The following CADPS2 variants were observed in gnomAD, a reference collection of about 807,000 sequenced individuals.
CADPS2 encodes the protein calcium dependent secretion activator 2.
In CADPS2, 93 loss-of-function variants were observed where a neutral mutation model predicts 172.5. That is an observed-to-expected ratio of 0.54 (90% CI 0.46 to 0.64). The LOEUF is 0.64. CADPS2 is among the 30% of genes least tolerant of loss of function. The pLI is 0.00. For synonymous variants in CADPS2, 546 were observed against 555.2 expected, an observed-to-expected ratio of 0.98 and a Z score of 0.23; for missense variants, 1,420 against 1,565.9, an observed-to-expected ratio of 0.91 and a Z score of 1.57.
rs143363782 is a variant in CADPS2, at chr7:122,630,877, T to G, written c.787-1549A>C. ...AATAAGTTAAAAAAACAGGCAAGATTTTCTTAAAGTAAATCCTTGTTATAT... is the reference window on the plus strand; with the variant it reads ...AATAAGTTAAAAAAACAGGCAAGATGTTCTTAAAGTAAATCCTTGTTATAT... On this transcript the variant is annotated intron_variant, in intron 3 of 29. Coordinates refer to ENST00000449022, the MANE Select transcript of CADPS2 (RefSeq NM_017954.11). Among the ~76,000 whole-genome samples, 330 of 152,232 alleles carry G rather than the reference T, an allele frequency of 2.2e-3. 2 individuals are homozygous for G. Among genetic ancestry groups the G allele is most frequent in the African/African-American group, 7.6e-3 (316 of 41,544 alleles).
chr7:122,821,871 G>A (rs1011003430), intron 1 of CADPS2, among the ~76,000 whole-genome samples: 99 of 149,120 alleles, frequency 6.6e-4, no homozygotes, highest in African/African-American at 2.0e-3. Context: ...GCCTGTCCTC[G>A]GAATGCTACA....
chr7:122,741,620 C>A (rs183330367), intron 1 of CADPS2, among the ~76,000 whole-genome samples: 1 of 152,138 alleles, frequency 6.6e-6, no homozygotes, highest in Admixed American at 6.5e-5. Flanking sequence ...AAGCTTAAAC[C>A]AAGATCCTAT....
intron 25 of CADPS2, among the ~76,000 whole-genome samples, chr7:122,373,643 T>A (rs2042021720): frequency 6.6e-6 from 1 of 152,046 alleles, no homozygotes; most frequent in African/African-American, 2.4e-5. Flanking sequence ...CAGATACCAA[T>A]GTAAGGCTAC....
intron 2 of CADPS2, among the ~76,000 whole-genome samples, chr7:122,700,761 C>G (rs1194838354): frequency 1.3e-5 from 2 of 152,196 alleles, no homozygotes; most frequent in African/African-American, 4.8e-5. Context: ...GAAGCATTTA[C>G]TAAGGACACT....
At chr7:122,664,866 C>CTCA (rs2081018725) in intron 2 of CADPS2, among the ~76,000 whole-genome samples, 1 of 152,088 alleles carries the variant, frequency 6.6e-6, no homozygotes, top group South Asian at 2.1e-4. Flanking sequence ...CTCACTGCAG[C>CTCA]CTTGACATCC....
intron 2 of CADPS2, chr7:122,701,809 T>G: frequency 1.4e-6 from 2 of 1,449,642 alleles, no homozygotes; most frequent in Middle Eastern, 1.8e-4. Context: ...TCTGGTTACA[T>G]CTTCAGAAAA....
chr7:122,369,436 C>T (rs1347897108), intron 25 of CADPS2, among the ~76,000 whole-genome samples: 1 of 152,124 alleles, frequency 6.6e-6, no homozygotes, highest in Non-Finnish European at 1.5e-5. Flanking sequence ...CAGTCTTCCC[C>T]TTTCTTTTAA....
intron 8 of CADPS2, among the ~76,000 whole-genome samples, chr7:122,553,724 C>A (rs945266638): frequency 6.6e-6 from 1 of 152,126 alleles, no homozygotes; most frequent in Non-Finnish European, 1.5e-5. Context: ...CTGCTTGTTA[C>A]AAGGATGCAC....
rs757474747 is a variant in CADPS2, at chr7:122,886,372, C to T, written c.-35G>A. On this transcript the variant is annotated 5_prime_UTR_variant, in exon 1 of 30. Transcript: ENST00000449022. ...GGATCCCCGCCGCTCGGCCCGCGGT[C>T]CCCAAGCGCCTCACCCCCGGCGGCT... is the stretch of plus-strand genomic sequence containing the variant. 1.5e-5 allele frequency: 22 copies of T among 1,482,778 alleles called. No individual in the cohort carries two copies. In the South Asian group the frequency reaches 2.2e-4, roughly 15 times the overall value. The allele number at this position is 1,482,778 out of a possible 1,614,324, so 91.9% of individuals were successfully genotyped here. A position where few individuals can be genotyped will look rare whatever the true frequency, so the allele number is the denominator to read the frequency against.
chr7:122,663,860 T>A (rs2080882439), intron 2 of CADPS2, among the ~76,000 whole-genome samples: 1 of 151,958 alleles, frequency 6.6e-6, no homozygotes, highest in Non-Finnish European at 1.5e-5. Context: ...TCCTTTAGAG[T>A]GATGTCCTTA....
chr7:122,645,544 A>T (rs1441020343), intron 3 of CADPS2, among the ~76,000 whole-genome samples: 7 of 121,482 alleles, frequency 5.8e-5, no homozygotes, highest in Admixed American at 5.0e-4. Context: ...ATATATACTT[A>T]TATATATACT....
chr7:122,357,443 T>C (rs904505672), intron 27 of CADPS2: 6 of 152,162 alleles, frequency 3.9e-5, no homozygotes, highest in Non-Finnish European at 8.8e-5. Context: ...AATAGAATTA[T>C]TTTATTATAG....
intron 1 of CADPS2, among the ~76,000 whole-genome samples, chr7:122,777,181 A>G (rs564250311): frequency 1.3e-5 from 2 of 152,266 alleles, no homozygotes; most frequent in East Asian, 1.9e-4. Flanking sequence ...TAAAAGAATA[A>G]CAAGAAAAAT....
Position 122,453,865 on chromosome 7 carries a change from G to A in CADPS2, c.2187-2390C>T, listed in dbSNP as rs566397343. The stretch of plus-strand genomic sequence containing the variant: ...GGGAAGCTCGCTTGTGTCAACCTTC[G>A]CTAAGAAAAGAATGTTATACAGAGT... On this transcript the variant is annotated intron_variant, in intron 14 of 29. Transcript: ENST00000449022. Among the ~76,000 whole-genome samples, 20 of 152,196 alleles carry A rather than the reference G, an allele frequency of 1.3e-4. No individual in the cohort carries two copies. In the East Asian group the frequency reaches 1.7e-3, roughly 13 times the overall value.
At chr7:122,328,826 G>A (rs1005322013) in intron 28 of CADPS2, among the ~76,000 whole-genome samples, 1 of 152,076 alleles carries the variant, frequency 6.6e-6, no homozygotes, top group Non-Finnish European at 1.5e-5. Context: ...TTAGCAGCCC[G>A]CCTCCCCATC....
chr7:122,859,420 T>C (rs1231160355), intron 1 of CADPS2, among the ~76,000 whole-genome samples: 1 of 152,172 alleles, frequency 6.6e-6, no homozygotes, highest in Non-Finnish European at 1.5e-5. Context: ...AATCGCTTTC[T>C]CCAGTCAATT....
At chr7:122,678,023 C>A (rs538347255) in intron 2 of CADPS2, among the ~76,000 whole-genome samples, 8 of 152,304 alleles carry the variant, frequency 5.3e-5, no homozygotes, top group Admixed American at 1.3e-4. Context: ...CTTGTTAAGA[C>A]TGCAAACTGC....
At chr7:122,769,790 G>A (rs1261910016) in intron 1 of CADPS2, among the ~76,000 whole-genome samples, 1 of 152,160 alleles carries the variant, frequency 6.6e-6, no homozygotes, top group East Asian at 1.9e-4. Context: ...ATTGTTGACT[G>A]TGTAACCTTG....
intron 25 of CADPS2, among the ~76,000 whole-genome samples, chr7:122,363,808 T>G (rs1026819854): frequency 6.6e-6 from 1 of 152,154 alleles, no homozygotes; most frequent in East Asian, 1.9e-4. Context: ...AAAACCTGAA[T>G]ACATTAAGTC....
Sources: gnomAD v4.1 joint callset for allele counts (sites outside exome capture counted in the v4.1 genomes callset) on GRCh38, gnomAD v4.1.1 for gene constraint, MANE v1.5 for transcripts, NCBI Gene and HGNC (gene_info 2026-07-23, HGNC 2026-07-21) for gene names.